KALRN: variants seen among roughly 807,000 people sequenced by gnomAD.
The protein encoded by KALRN is kalirin RhoGEF kinase.
KALRN carries 70 observed loss-of-function variants against 353.7 expected under a neutral mutation model. The ratio of observed to expected loss-of-function variants is 0.20; its 90% CI spans 0.16 to 0.24. The LOEUF is 0.24. Among genes scored for constraint, KALRN ranks in the 10% least tolerant of loss-of-function variants. KALRN has a pLI of 1.00. For synonymous variants in KALRN, 1,391 were observed against 1,434.8 expected, an observed-to-expected ratio of 0.97 and a Z score of 0.69; for missense variants, 2,791 against 3,756.7, an observed-to-expected ratio of 0.74 and a Z score of 6.72.
At chr3:124,572,352 A>C (rs2073635151) in intron 34 of KALRN, among the ~76,000 whole-genome samples, 2 of 152,234 alleles carry the variant, frequency 1.3e-5, no homozygotes, top group South Asian at 4.2e-4. Context: ...AAAAAACAAA[A>C]AAAAAAACAG....
At chr3:124,196,765 AGT>A (rs2075478958) in intron 1 of KALRN, among the ~76,000 whole-genome samples, 1 of 152,220 alleles carries the variant, frequency 6.6e-6, no homozygotes, top group Non-Finnish European at 1.5e-5. Context: ...ATGACACAAT[AGT>A]ATTCTGTCTT....
intron 39 of KALRN, among the ~76,000 whole-genome samples, chr3:124,656,427 G>A (rs1187201675): frequency 1.3e-5 from 2 of 152,074 alleles, no homozygotes; most frequent in African/African-American, 4.8e-5. Context: ...TGGCTAACAC[G>A]GTGAAACCCC....
At chr3:124,648,021 AG>A in intron 37 of KALRN, among the ~76,000 whole-genome samples, 1 of 152,266 alleles carries the variant, frequency 6.6e-6, no homozygotes, top group South Asian at 2.1e-4. Flanking sequence ...TTGTGCCCTG[AG>A]CTCCAGGTGG....
intron 6 of KALRN, among the ~76,000 whole-genome samples, chr3:124,324,120 C>T (rs2079628433): frequency 6.6e-6 from 1 of 152,190 alleles, no homozygotes; most frequent in African/African-American, 2.4e-5. Flanking sequence ...CAAAAGGTCT[C>T]AATAGGGATT....
At chr3:124,657,104 A>C (rs1421552268) in intron 39 of KALRN, among the ~76,000 whole-genome samples, 1 of 152,224 alleles carries the variant, frequency 6.6e-6, no homozygotes, top group East Asian at 1.9e-4. Flanking sequence ...AAGTATTAAC[A>C]TATTAAGACT....
At chr3:124,565,641 G>A (rs1170249982) in intron 34 of KALRN, among the ~76,000 whole-genome samples, 2 of 152,200 alleles carry the variant, frequency 1.3e-5, no homozygotes, top group African/African-American at 2.4e-5. Context: ...TGGATCCCCA[G>A]GTGTGGGTCG....
At chr3:124,562,807 C>T (rs1016541156) in intron 33 of KALRN, 36 bp from the exon 34 acceptor site, 30 of 1,313,486 alleles carry the variant, frequency 2.3e-5, no homozygotes, top group Non-Finnish European at 2.9e-5. Context: ...CCTCCATGCC[C>T]TCCTGTTCTA....
At chr3:124,404,931 G>A (rs1349782338) in intron 13 of KALRN, among the ~76,000 whole-genome samples, 4 of 152,004 alleles carry the variant, frequency 2.6e-5, no homozygotes, top group East Asian at 1.9e-4. Flanking sequence ...TGTTCTCCAC[G>A]TTTGTAACAT....
intron 1 of KALRN, among the ~76,000 whole-genome samples, chr3:124,104,355 A>G (rs2062112770): frequency 6.6e-6 from 1 of 152,218 alleles, no homozygotes; most frequent in Non-Finnish European, 1.5e-5. Flanking sequence ...GAAGTAGACA[A>G]TAACAAATAA....
chr3:124,248,451 A>G (rs1244877645), intron 3 of KALRN, among the ~76,000 whole-genome samples: 1 of 152,178 alleles, frequency 6.6e-6, no homozygotes, highest in African/African-American at 2.4e-5. Flanking sequence ...GGGACGGAGC[A>G]TGGATGTACC....
intron 1 of KALRN, among the ~76,000 whole-genome samples, chr3:124,107,396 A>T (rs1203851598): frequency 6.6e-6 from 1 of 152,160 alleles, no homozygotes; most frequent in Non-Finnish European, 1.5e-5. Flanking sequence ...GCTTCAAGAC[A>T]TAATTAAGAC....
chr3:124,090,639 T>C (rs111351501), intron 1 of KALRN, among the ~76,000 whole-genome samples: 5 of 152,224 alleles, frequency 3.3e-5, no homozygotes, highest in African/African-American at 1.2e-4. Context: ...TCCCTCCCTA[T>C]TGGACTCTCA....
intron 34 of KALRN, among the ~76,000 whole-genome samples, chr3:124,600,753 T>G (rs2076713476): frequency 6.6e-6 from 1 of 152,204 alleles, no homozygotes; most frequent in African/African-American, 2.4e-5. Context: ...TGATTGTGAT[T>G]GCTAACATAT....
intron 34 of KALRN, among the ~76,000 whole-genome samples, chr3:124,614,355 AC>A (rs1304435937): frequency 6.6e-6 from 1 of 151,154 alleles, no homozygotes. Context: ...TGCAGCCTCG[AC>A]CTTCCGGGCT....
At chr3:124,067,326 A>T (rs1451926741) in intron 1 of KALRN, among the ~76,000 whole-genome samples, 1 of 60,220 alleles carries the variant, frequency 1.7e-5, no homozygotes, top group Non-Finnish European at 3.3e-5. Context: ...CACCGCACCC[A>T]CCCCTGTTGT....
rs144962863 is a variant in KALRN, at chr3:124,408,593, A to G, written c.2347-4877A>G. ...CAATACAAAGTAAAATGTCTTCTTC[A>G]ATCATACTATCTTCATCATTGTTGC... On this transcript the variant is annotated intron_variant, in intron 13 of 59. Coordinates refer to ENST00000682506, the MANE Select transcript of KALRN (RefSeq NM_001388419.1). Among the ~76,000 whole-genome samples the G allele has an allele frequency of 6.3e-3, 967 of 152,338 alleles. 7 individuals are homozygous for G. Among genetic ancestry groups the G allele is most frequent in the Non-Finnish European group, 9.8e-3 (664 of 68,024 alleles).
intron 37 of KALRN, among the ~76,000 whole-genome samples, chr3:124,645,628 C>T (rs2082605889): frequency 4.7e-5 from 1 of 21,318 alleles, no homozygotes; most frequent in East Asian, 6.8e-3. Flanking sequence ...AATAATATTT[C>T]TCTCTCTCTC....
At chr3:124,559,984 C>T (rs2071759613) in intron 33 of KALRN, among the ~76,000 whole-genome samples, 1 of 152,224 alleles carries the variant, frequency 6.6e-6, no homozygotes, top group Non-Finnish European at 1.5e-5. Flanking sequence ...GTTTCCACTT[C>T]TTCCTTTGGC....
At chr3:124,253,709 A>G (rs984892338) in intron 3 of KALRN, among the ~76,000 whole-genome samples, 3 of 152,102 alleles carry the variant, frequency 2.0e-5, no homozygotes, top group African/African-American at 7.2e-5. Context: ...AATAGGTCTT[A>G]TTTGAAGGTT....
Sources: gnomAD v4.1 joint callset for allele counts (sites outside exome capture counted in the v4.1 genomes callset) on GRCh38, gnomAD v4.1.1 for gene constraint, MANE v1.5 for transcripts, NCBI Gene and HGNC (gene_info 2026-07-23, HGNC 2026-07-21) for gene names.